Variants in ADGRD1 observed in about 807,000 individuals in gnomAD.
ADGRD1 encodes the protein G-protein coupled receptor 133.
A neutral mutation model predicts 113.4 loss-of-function variants in ADGRD1; 77 were observed. The ratio of observed to expected loss-of-function variants is 0.68; its 90% CI spans 0.57 to 0.82. The LOEUF is 0.82. Ranked by LOEUF, ADGRD1 falls within the 40% of genes least tolerant of loss-of-function variation. The pLI is 0.00. For missense variants in ADGRD1, 1,036 were observed against 1,139.1 expected (o/e 0.91, Z 1.30); for synonymous variants, 474 against 475.0 (o/e 1.00, Z 0.03).
chr12:131,123,039 G>GTTT lies in ADGRD1; in HGVS notation c.2175+2158_2175+2160dup, dbSNP rs552353187. ...ATTACATAATTGAATTACCTGGGGA[G>GTTT]TTTTTTTTTTTTTTTTTTTTTTTTT... On this transcript the variant is annotated intron_variant, in intron 20 of 24. Transcript: ENST00000261654. Among the ~76,000 whole-genome samples the GTTT allele has an allele frequency of 6.0e-3, 309 of 51,346 alleles. 25 individuals carry two copies. The highest frequency in any genetic ancestry group is 7.0e-3 in the Non-Finnish European group (195 of 27,786). 33.7% of individuals were successfully genotyped at this position (51,346 alleles called of 152,430 possible).
chr12:131,133,624 G>C (rs2136103816), intron 21 of ADGRD1, among the ~76,000 whole-genome samples: 1 of 152,338 alleles, frequency 6.6e-6, no homozygotes, highest in African/African-American at 2.4e-5. Context: ...TCTGGGGACA[G>C]ACCGCTCTGG....
rs1951215413 is a variant in ADGRD1, at chr12:131,140,416, G to T, written c.*1153G>T. 1 of 152,076 alleles carries T rather than the reference G, an allele frequency of 6.6e-6. No individual in the cohort carries two copies. The highest frequency in any genetic ancestry group is 2.1e-4 in the South Asian group (1 of 4,808). 9.4% of individuals were successfully genotyped at this position (152,076 alleles called of 1,614,324 possible). On this transcript the variant is annotated 3_prime_UTR_variant, in exon 25 of 25. Coordinates refer to ENST00000261654, the MANE Select transcript of ADGRD1 (RefSeq NM_198827.5). ...CAGCCCCAGAGGAGATGGGATAATT[G>T]TTATGGACCCATGTGTGGGCATGAT...
chr12:131,136,430 T>C (rs1184083815), intron 22 of ADGRD1, among the ~76,000 whole-genome samples: 1 of 152,198 alleles, frequency 6.6e-6, no homozygotes, highest in Admixed American at 6.5e-5. Flanking sequence ...AGTAAGACAG[T>C]CTGCCTGTGG....
chr12:131,095,896 T>C (rs770389787), intron 15 of ADGRD1, among the ~76,000 whole-genome samples: 6 of 152,170 alleles, frequency 3.9e-5, no homozygotes, highest in Non-Finnish European at 8.8e-5. Context: ...AGAGGGGTTC[T>C]GTAGGTTGAA....
chr12:131,018,165 G>T (rs1445958953), intron 13 of ADGRD1, among the ~76,000 whole-genome samples: 1 of 152,056 alleles, frequency 6.6e-6, no homozygotes, highest in African/African-American at 2.4e-5. Flanking sequence ...TCACCCAGGG[G>T]CCTCACGCCT....
At chr12:131,061,289 CGTTA>C (rs1884304910) in intron 13 of ADGRD1, among the ~76,000 whole-genome samples, 1 of 152,160 alleles carries the variant, frequency 6.6e-6, no homozygotes, top group Non-Finnish European at 1.5e-5. Context: ...TTCGTGAGAA[CGTTA>C]GTCATGGGTC....
intron 6 of ADGRD1, chr12:130,987,811 C>T (rs1211904633): frequency 1.7e-5 from 3 of 181,588 alleles, no homozygotes; most frequent in South Asian, 1.2e-4. Context: ...CATAATGAGC[C>T]GTGAGACTTT....
intron 3 of ADGRD1, chr12:130,969,655 T>C (rs1436727615): frequency 6.6e-6 from 1 of 152,448 alleles, no homozygotes; most frequent in Non-Finnish European, 1.5e-5. Context: ...TTTCATTACA[T>C]ATTGTAATAT....
intron 13 of ADGRD1, among the ~76,000 whole-genome samples, chr12:131,068,498 G>C (rs1884901757): frequency 6.6e-6 from 1 of 152,196 alleles, no homozygotes; most frequent in Non-Finnish European, 1.5e-5. Context: ...TCCAACGTGA[G>C]GAGGGTCCAG....
At chr12:131,007,580 C>T (rs955814088) in intron 12 of ADGRD1, among the ~76,000 whole-genome samples, 26 of 152,340 alleles carry the variant, frequency 1.7e-4, no homozygotes, top group African/African-American at 6.0e-4. Context: ...CAGGTGTCTG[C>T]AGACAGGACA....
intron 20 of ADGRD1, among the ~76,000 whole-genome samples, chr12:131,125,279 G>A (rs541043501): frequency 6.6e-6 from 1 of 152,296 alleles, no homozygotes; most frequent in South Asian, 2.1e-4. Flanking sequence ...AGAAGCCACA[G>A]AGCCTAGACA....
chr12:131,042,348 C>T (rs905088675), intron 13 of ADGRD1, among the ~76,000 whole-genome samples: 27 of 152,174 alleles, frequency 1.8e-4, no homozygotes, highest in African/African-American at 4.3e-4. Flanking sequence ...GCCTGCCCAG[C>T]GCTACCCCCA....
intron 13 of ADGRD1, among the ~76,000 whole-genome samples, chr12:131,021,800 G>A (rs755615713): frequency 8.6e-5 from 13 of 152,038 alleles, no homozygotes; most frequent in South Asian, 2.1e-4. Flanking sequence ...CCTGATCGCC[G>A]GGCTCAAACC....
At chr12:131,130,548 G>A (rs1009637312) in intron 20 of ADGRD1, among the ~76,000 whole-genome samples, 9 of 152,228 alleles carry the variant, frequency 5.9e-5, no homozygotes, top group Admixed American at 2.6e-4. Context: ...TCATGGGCTC[G>A]GGAGCTGCGC....
intron 14 of ADGRD1, among the ~76,000 whole-genome samples, chr12:131,081,338 T>C (rs935505969): frequency 2.0e-5 from 3 of 152,216 alleles, no homozygotes; most frequent in Admixed American, 1.3e-4. Context: ...TCTTCTAACT[T>C]TTCTATCTTT....
intron 15 of ADGRD1, among the ~76,000 whole-genome samples, chr12:131,094,511 C>G (rs1490466444): frequency 6.6e-6 from 1 of 152,152 alleles, no homozygotes; most frequent in Non-Finnish European, 1.5e-5. Context: ...CCCTGGACCC[C>G]TCTAATCCTG....
At chr12:130,997,988 G>A (rs555629078) in intron 8 of ADGRD1, among the ~76,000 whole-genome samples, 71 of 152,286 alleles carry the variant, frequency 4.7e-4, no homozygotes, top group Non-Finnish European at 7.5e-4. Context: ...GATCACTCGC[G>A]GTTAGGAGCT....
In ADGRD1 at chr12:131,050,450, A is replaced by T. The variant is rs1332397096; in HGVS notation, c.1474-26351A>T. Among the ~76,000 whole-genome samples, 4 of 152,082 alleles carry T rather than the reference A, an allele frequency of 2.6e-5. No homozygotes were observed. The highest frequency in any genetic ancestry group is 3.9e-4 in the East Asian group (2 of 5,188). ...TACCTGAGGCTGGGTAATTTATTTT[A>T]AAAAAAGAGGTTTAATTGCCTCACG... On this transcript the variant is annotated intron_variant, in intron 13 of 24. Transcript: ENST00000261654. This position sits in a 1 kb window ranked among gnomAD's most constrained non-coding sequence, Gnocchi z 4.8.
chr12:131,131,643 G>T, intron 20 of ADGRD1, 82 bp from the exon 21 acceptor site: 2 of 938,204 alleles, frequency 2.1e-6, no homozygotes, highest in Non-Finnish European at 3.4e-6. Flanking sequence ...AGCCTGTGGT[G>T]AGGGCAGTGG....
Sources: gnomAD v4.1 joint callset for allele counts (sites outside exome capture counted in the v4.1 genomes callset) on GRCh38, gnomAD v4.1.1 for gene constraint, Gnocchi (gnomAD v3.1) non-coding constraint, MANE v1.5 for transcripts, NCBI Gene and HGNC (gene_info 2026-07-23, HGNC 2026-07-21) for gene names.